The following CAMK4 variants were observed in gnomAD, a reference collection of about 807,000 sequenced individuals.
The protein encoded by CAMK4 is calcium/calmodulin dependent protein kinase IV, also known as calcium/calmodulin-dependent protein kinase type IV.
CAMK4 carries 22 observed loss-of-function variants against 44.9 expected under a neutral mutation model. That is an observed-to-expected ratio of 0.49 (90% CI 0.35 to 0.70). CAMK4 has a LOEUF of 0.70. CAMK4 is among the 30% of genes least tolerant of loss of function. The probability of loss-of-function intolerance (pLI) is 0.01; values close to 1 mark genes in which losing one functional copy is unlikely to be tolerated. For synonymous variants in CAMK4, 218 were observed against 215.4 expected (o/e 1.01, Z -0.11); for missense variants, 498 against 586.8 (o/e 0.85, Z 1.56).
At chr5:111,293,237 G>A (rs1747346898) in intron 1 of CAMK4, among the ~76,000 whole-genome samples, 1 of 152,066 alleles carries the variant, frequency 6.6e-6, no homozygotes, top group African/African-American at 2.4e-5. Context: ...CTGGATTCTG[G>A]GGTGCCCAGA....
chr5:111,405,407 G>C (rs1396061967), intron 5 of CAMK4, among the ~76,000 whole-genome samples: 1 of 152,136 alleles, frequency 6.6e-6, no homozygotes, highest in South Asian at 2.1e-4. Context: ...GGCAGAGGTT[G>C]CAGTGAGCTG....
chr5:111,253,505 T>C (rs1486854167), intron 1 of CAMK4, among the ~76,000 whole-genome samples: 1 of 152,214 alleles, frequency 6.6e-6, no homozygotes, highest in Non-Finnish European at 1.5e-5. Context: ...TTCTGTTTCT[T>C]ACTTTTCATT....
chr5:111,418,559 G>C lies in CAMK4; in HGVS notation c.459+23777G>C, dbSNP rs140395697. Among the ~76,000 whole-genome samples the C allele has an allele frequency of 7.9e-3, 1,200 of 151,490 alleles. 17 individuals carry two copies. Among genetic ancestry groups the C allele is most frequent in the African/African-American group, 0.028 (1,140 of 41,140 alleles). On this transcript the variant is annotated intron_variant, in intron 5 of 10. Coordinates refer to ENST00000282356, the MANE Select transcript of CAMK4 (RefSeq NM_001744.6). ...TGAACCCATTAACTCGTCATTTAGCGTTAGGTATATCACCTAATGCTATCC... is the reference window on the plus strand; with the variant it reads ...TGAACCCATTAACTCGTCATTTAGCCTTAGGTATATCACCTAATGCTATCC...
chr5:111,265,188 C>G (rs1302950348), intron 1 of CAMK4, among the ~76,000 whole-genome samples: 1 of 152,160 alleles, frequency 6.6e-6, no homozygotes, highest in Non-Finnish European at 1.5e-5. Flanking sequence ...AAAACACCCC[C>G]TGAAACACTG....
chr5:111,396,495 A>G (rs1477011907), intron 5 of CAMK4, among the ~76,000 whole-genome samples: 1 of 151,974 alleles, frequency 6.6e-6, no homozygotes, highest in Admixed American at 6.6e-5. Flanking sequence ...CTTATCTTAC[A>G]TAGACCTTTC....
chr5:111,338,372 C>A (rs983921922), intron 1 of CAMK4, among the ~76,000 whole-genome samples: 2 of 151,072 alleles, frequency 1.3e-5, no homozygotes, highest in Non-Finnish European at 3.0e-5. Flanking sequence ...ATCATATCTC[C>A]CTAGTGTCTC....
rs951870750 is a variant in CAMK4, at chr5:111,484,417, C to T, written c.1373C>T (p.Ala458Val). ...CCCAGAGAAGGGCAAGGAAGCTCTG[C>T]TGTGGGTTTTGAAGTTCCACAGCAA... ...AAPREGQGSSAVGFEVPQQDV... is the reference protein window; with the variant it reads ...AAPREGQGSSVVGFEVPQQDV... Residue 458 changes from alanine to valine, a missense_variant, in exon 11 of 11, where the codon GCT (alanine) becomes GTT (valine). Physicochemically the swap from Ala to Val is moderately conservative, Grantham distance 64 (BLOSUM62 0). Transcript: ENST00000282356. The surrounding 1 kb of genome is among the most constrained non-coding windows in gnomAD (Gnocchi z 5.3). The T allele has an allele frequency of 1.3e-6, 2 of 1,545,808 alleles. No individual in the cohort carries two copies. The highest frequency in any genetic ancestry group is 1.7e-6 in the Non-Finnish European group (2 of 1,148,522).
intron 7 of CAMK4, among the ~76,000 whole-genome samples, chr5:111,460,946 TA>T (rs1385040992): frequency 6.6e-6 from 1 of 152,134 alleles, no homozygotes; most frequent in African/African-American, 2.4e-5. Context: ...ATGAGGGAAA[TA>T]AACAGACTAT....
intron 2 of CAMK4, among the ~76,000 whole-genome samples, chr5:111,353,142 AACT>A (rs1384872228): frequency 1.3e-5 from 2 of 152,132 alleles, no homozygotes; most frequent in East Asian, 3.9e-4. Flanking sequence ...AAATGGTAAT[AACT>A]ACAATATATT....
chr5:111,451,938 A>T (rs1754252434), intron 7 of CAMK4, among the ~76,000 whole-genome samples: 2 of 152,200 alleles, frequency 1.3e-5, no homozygotes, highest in African/African-American at 4.8e-5. Flanking sequence ...TGGCAGAAAT[A>T]AAAATCCAAA....
At chr5:111,229,603 T>C (rs1257737191) in intron 1 of CAMK4, among the ~76,000 whole-genome samples, 1 of 152,236 alleles carries the variant, frequency 6.6e-6, no homozygotes, top group Non-Finnish European at 1.5e-5. Flanking sequence ...CAGAGCTTCT[T>C]AGATCCTTGA....
intron 5 of CAMK4, among the ~76,000 whole-genome samples, chr5:111,429,796 A>AAAAAAAAAAAAAAAAAC: frequency 6.9e-6 from 1 of 144,924 alleles, no homozygotes; most frequent in Non-Finnish European, 1.5e-5. Flanking sequence ...AAAAAAAAAA[A>AAAAAAAAAAAAAAAAAC]AAAAAAAAAA....
intron 1 of CAMK4, among the ~76,000 whole-genome samples, chr5:111,234,820 G>A (rs555263762): frequency 3.9e-5 from 6 of 152,300 alleles, no homozygotes; most frequent in African/African-American, 1.2e-4. Flanking sequence ...AAAGATAATG[G>A]ATAGGACACG....
chr5:111,268,954 A>G (rs903912982), intron 1 of CAMK4, among the ~76,000 whole-genome samples: 11 of 152,250 alleles, frequency 7.2e-5, no homozygotes, highest in Admixed American at 5.9e-4. Context: ...TGTGACCTAC[A>G]AATAATGAAA....
chr5:111,265,611 A>G (rs1045661878), intron 1 of CAMK4, among the ~76,000 whole-genome samples: 2 of 152,218 alleles, frequency 1.3e-5, no homozygotes, highest in African/African-American at 4.8e-5. Context: ...ATAGCTCATT[A>G]TAAGGTATGC....
At chr5:111,380,237 T>G (rs1561451281) in intron 4 of CAMK4, among the ~76,000 whole-genome samples, 1 of 152,160 alleles carries the variant, frequency 6.6e-6, no homozygotes, top group Non-Finnish European at 1.5e-5. Flanking sequence ...TTTTCTTGAT[T>G]TTTGTCAGAT....
intron 1 of CAMK4, among the ~76,000 whole-genome samples, chr5:111,300,224 G>A (rs1747662745): frequency 6.6e-6 from 1 of 152,218 alleles, no homozygotes; most frequent in African/African-American, 2.4e-5. Flanking sequence ...CATAAGAGCT[G>A]TGAAACGAGA....
At chr5:111,476,980 A>G (rs1030106341) in intron 8 of CAMK4, among the ~76,000 whole-genome samples, 1 of 152,226 alleles carries the variant, frequency 6.6e-6, no homozygotes, top group Non-Finnish European at 1.5e-5. Context: ...GGGAAATATA[A>G]GGAAACTCCT....
At position 111,313,422 on chromosome 5, in the gene CAMK4, A is replaced by G. The variant is rs73232012; in HGVS notation, c.162-30602A>G. ...TTTAATATGTCCTTATACTTAAGAA[A>G]TATGAATATCCACACAACTTTTCTC... On this transcript the variant is annotated intron_variant, in intron 1 of 10. Transcript: ENST00000282356. Among the ~76,000 whole-genome samples the G allele has an allele frequency of 6.2e-3, 941 of 152,260 alleles. 15 individuals carry two copies. The highest frequency in any genetic ancestry group is 0.022 in the African/African-American group (909 of 41,560).
Sources: allele counts gnomAD v4.1 joint callset (sites outside exome capture counted in the v4.1 genomes callset), GRCh38; gene constraint gnomAD v4.1.1; non-coding constraint Gnocchi (gnomAD v3.1); transcripts MANE v1.5; gene names NCBI Gene and HGNC (gene_info 2026-07-23, HGNC 2026-07-21).